FAM199X: variants seen among roughly 807,000 people sequenced by gnomAD.
FAM199X encodes the protein family with sequence similarity 199, X-linked.
A neutral mutation model predicts 22.9 loss-of-function variants in FAM199X; 4 were observed. The observed-to-expected ratio is 0.17, with a 90% CI of 0.09 to 0.40. The LOEUF (loss-of-function observed/expected upper bound fraction) is 0.40, where lower values mean the gene tolerates loss of function less well. FAM199X is among the 10% of genes least tolerant of loss of function. The pLI is 1.00. For missense variants in FAM199X, 183 were observed against 306.8 expected (o/e 0.60, Z 3.01); for synonymous variants, 101 against 112.3 (o/e 0.90, Z 0.64).
rs1015524392 is a variant in FAM199X at position 104,191,844 on chromosome X, T to C, written c.*2066T>C. On this transcript the variant is annotated 3_prime_UTR_variant, in exon 6 of 6. Transcript: ENST00000493442. Reference sequence around the variant, plus strand: ...TTCCCCTACTCTCCCAATAATCACATAGTCTTATTACTTTCAATTTAACTT... The same window carrying C: ...TTCCCCTACTCTCCCAATAATCACACAGTCTTATTACTTTCAATTTAACTT... 2 of 111,740 alleles carry C rather than the reference T, an allele frequency of 1.8e-5. No homozygotes were observed. The highest frequency in any genetic ancestry group is 3.2e-5 in the African/African-American group (1 of 30,836). The allele number at this position is 111,740 out of a possible 1,213,427, so 9.2% of individuals were successfully genotyped here. A position where few individuals can be genotyped will look rare whatever the true frequency, so the allele number is the denominator to read the frequency against.
chrX:104,159,278 C>T, the FAM199X span, among the ~76,000 whole-genome samples: 2 of 111,763 alleles, frequency 1.8e-5, no homozygotes, highest in African/African-American at 6.5e-5. Context: ...GAAACCTTTC[C>T]CTTTTAGCTC....
intron 5 of FAM199X, 70 bp from the exon 6 acceptor site, chrX:104,189,538 C>A: frequency 9.6e-7 from 1 of 1,039,753 alleles, no homozygotes; most frequent in Non-Finnish European, 1.3e-6. Context: ...AGAATTTGAT[C>A]CACAAAACAT....
the FAM199X span, among the ~76,000 whole-genome samples, chrX:104,161,177 A>G: frequency 9.5e-4 from 106 of 112,158 alleles, no homozygotes; most frequent in South Asian, 3.3e-3. Flanking sequence ...TGGTAACTAA[A>G]ACAAACATTT....
chrX:104,170,850 G>T (rs1411341648), intron 1 of FAM199X, among the ~76,000 whole-genome samples: 2 of 111,506 alleles, frequency 1.8e-5, no homozygotes, highest in Non-Finnish European at 3.8e-5. Context: ...GAACTTAAGT[G>T]GGTAGAAGAA....
chrX:104,185,947 G>C, intron 2 of FAM199X, 119 bp from the exon 3 acceptor site: 1 of 719,863 alleles, frequency 1.4e-6, no homozygotes, highest in South Asian at 2.8e-5. Flanking sequence ...AGCACAGCCA[G>C]CAGCACGTCA....
intron 1 of FAM199X, among the ~76,000 whole-genome samples, chrX:104,169,803 G>T (rs1470840409): frequency 3.6e-5 from 4 of 111,967 alleles, no homozygotes; most frequent in Non-Finnish European, 7.5e-5. Flanking sequence ...CCAGACCTCA[G>T]GTGGTCCACC....
chrX:104,186,059 TATAAAGTTACCAG>T lies in FAM199X; in HGVS notation c.418-6_424del. Reference sequence around the variant, plus strand: ...TCCTTCCCCACACCCTCCTTATTTTTATAAAGTTACCAGGCAGTGACATTGCCAGTGGGAGTGA... The same window carrying T: ...TCCTTCCCCACACCCTCCTTATTTTTGCAGTGACATTGCCAGTGGGAGTGA... On this transcript the variant is annotated splice_acceptor_variant and splice_polypyrimidine_tract_variant and coding_sequence_variant and intron_variant, in exon 3 of 6. Transcript: ENST00000493442. LOFTEE classifies it high-confidence loss of function. 8.3e-7 allele frequency: 1 copy of T among 1,200,815 alleles called. No individual in the cohort carries two copies. The highest frequency in any genetic ancestry group is 1.1e-6 in the Non-Finnish European group (1 of 891,818).
chrX:104,160,724 G>T, the FAM199X span, among the ~76,000 whole-genome samples: 2 of 112,229 alleles, frequency 1.8e-5, no homozygotes, highest in African/African-American at 6.5e-5. Flanking sequence ...TCATAATATT[G>T]TAAAAATGTA....
At position 104,190,361 on chromosome X, in the gene FAM199X, A is replaced by T. The variant is rs181300863; in HGVS notation, c.*583A>T. 2.7e-5 allele frequency: 3 copies of T among 112,069 alleles called. No individual in the cohort carries two copies. The highest frequency in any genetic ancestry group is 9.7e-5 in the African/African-American group (3 of 30,865). 9.2% of individuals were successfully genotyped at this position (112,069 alleles called of 1,213,427 possible). A position where few individuals can be genotyped will look rare whatever the true frequency, so the allele number is the denominator to read the frequency against. ...GGCAAGGTGTGGATTGCTGTTTACG[A>T]TAGTGCCTTCATTAGTTTTAGTTCT... On this transcript the variant is annotated 3_prime_UTR_variant, in exon 6 of 6. Transcript: ENST00000493442.
At chrX:104,183,637 G>T (rs1254462712) in intron 2 of FAM199X, among the ~76,000 whole-genome samples, 1 of 111,143 alleles carries the variant, frequency 9.0e-6, no homozygotes, top group African/African-American at 3.3e-5. Flanking sequence ...GCTAATTTTT[G>T]TATTTTTAGT....
intron 2 of FAM199X, among the ~76,000 whole-genome samples, chrX:104,176,078 G>A (rs1420285755): frequency 6.3e-5 from 7 of 111,097 alleles, no homozygotes; most frequent in Non-Finnish European, 9.4e-5. Flanking sequence ...TAATACTTGC[G>A]TAATATTACC....
At chrX:104,167,554 C>T (rs1489089152) in intron 1 of FAM199X, among the ~76,000 whole-genome samples, 1 of 109,794 alleles carries the variant, frequency 9.1e-6, no homozygotes, top group African/African-American at 3.3e-5. Flanking sequence ...CTAGTCGATT[C>T]TCTCTTTTTT....
intron 1 of FAM199X, among the ~76,000 whole-genome samples, chrX:104,174,350 A>AT (rs2147891182): frequency 9.0e-6 from 1 of 111,069 alleles, no homozygotes; most frequent in South Asian, 3.8e-4. Flanking sequence ...AGGTAAAAAA[A>AT]TTTTTAGCAA....
the FAM199X span, among the ~76,000 whole-genome samples, chrX:104,157,406 T>C: frequency 9.0e-6 from 1 of 111,131 alleles, no homozygotes; most frequent in Admixed American, 9.6e-5. Context: ...TTTAGCTGCA[T>C]ATGTAAAGAG....
chrX:104,169,230 C>T (rs782580914), intron 1 of FAM199X, among the ~76,000 whole-genome samples: 18 of 111,921 alleles, frequency 1.6e-4, no homozygotes, highest in Non-Finnish European at 3.0e-4. Context: ...CTTCACATCA[C>T]ATCATTTGTC....
In FAM199X at chrX:104,185,520, ATATATT is replaced by A. The variant is rs1311949800; in HGVS notation, c.418-540_418-535del. ...CATTGAATAACTATATGCAAAGAAT[ATATATT>A]TATATACTTATGTTGCTGCTTTGTA... On this transcript the variant is annotated intron_variant, in intron 2 of 5. Transcript: ENST00000493442. Among the ~76,000 whole-genome samples the A allele has an allele frequency of 2.7e-5, 3 of 112,530 alleles. No individual in the cohort carries two copies. The Admixed American group carries it at 2.8e-4, about 11-fold the overall frequency.
the FAM199X span, among the ~76,000 whole-genome samples, chrX:104,159,145 A>G: frequency 1.8e-5 from 2 of 112,374 alleles, no homozygotes; most frequent in Non-Finnish European, 3.8e-5. Context: ...GAGGCGAGGA[A>G]AGAGAAAAAT....
intron 4 of FAM199X, 73 bp downstream of exon 4, chrX:104,186,694 C>T (rs187260525): frequency 2.1e-6 from 2 of 973,611 alleles, no homozygotes; most frequent in African/African-American, 3.9e-5. Flanking sequence ...CTAAAATAAT[C>T]ATGTGTAAAT....
At chrX:104,169,569 A>AT (rs782095421) in intron 1 of FAM199X, among the ~76,000 whole-genome samples, 53 of 107,122 alleles carry the variant, frequency 4.9e-4, no homozygotes, top group Non-Finnish European at 8.7e-4. Flanking sequence ...CAATATTCAG[A>AT]TTTTTTTTTT....
Sources: gnomAD v4.1 joint callset for allele counts (sites outside exome capture counted in the v4.1 genomes callset) on GRCh38, gnomAD v4.1.1 for gene constraint, MANE v1.5 for transcripts, NCBI Gene and HGNC (gene_info 2026-07-23, HGNC 2026-07-21) for gene names.